Variants in SLC22A15 observed in about 807,000 individuals in gnomAD.
The protein encoded by SLC22A15 is flipt 1.
Under a neutral mutation model 62.7 loss-of-function variants are expected in SLC22A15, and 45 were observed. The ratio of observed to expected loss-of-function variants is 0.72; its 90% CI spans 0.56 to 0.92. The LOEUF is 0.92. Among genes scored for constraint, SLC22A15 ranks in the 40% least tolerant of loss-of-function variants. SLC22A15 has a pLI of 0.00. For missense variants in SLC22A15, 622 were observed against 665.6 expected (o/e 0.93, Z 0.72); for synonymous variants, 264 against 267.0 (o/e 0.99, Z 0.11).
chr1:116,051,987 G>A (rs945652902), intron 8 of SLC22A15, among the ~76,000 whole-genome samples: 1 of 152,224 alleles, frequency 6.6e-6, no homozygotes, highest in African/African-American at 2.4e-5. Flanking sequence ...GCAGAAGATG[G>A]GTGATTTCTG....
chr1:116,037,653 A>G (rs1448148529), intron 8 of SLC22A15: 1 of 310,074 alleles, frequency 3.2e-6, no homozygotes, highest in Non-Finnish European at 6.0e-6. Flanking sequence ...GTGATGTTAG[A>G]GTTGTTTATT....
At chr1:116,020,678 C>T (rs1246987788) in intron 3 of SLC22A15, 43 bp from the exon 4 acceptor site, 1 of 1,465,976 alleles carries the variant, frequency 6.8e-7, no homozygotes, top group East Asian at 2.4e-5. Flanking sequence ...TCATCAAATG[C>T]TATTTTGCCT....
At chr1:116,066,369 A>T in intron 10 of SLC22A15, 151 bp from the exon 11 acceptor site, 1 of 609,382 alleles carries the variant, frequency 1.6e-6, no homozygotes, top group Non-Finnish European at 2.8e-6. Context: ...ATAATTCTTT[A>T]TGTGGAAAGA....
In SLC22A15 at chr1:115,991,397, A is replaced by G. The variant is rs571211856; in HGVS notation, c.88-634A>G. On this transcript the variant is annotated intron_variant, in intron 1 of 11. Transcript: ENST00000369503. Reference sequence around the variant, plus strand: ...TGGTTAGATCAAACCAAGACTAGGTACAACTCAGGGTTACAAAATGAATAT... The same window carrying G: ...TGGTTAGATCAAACCAAGACTAGGTGCAACTCAGGGTTACAAAATGAATAT... 3.3e-5 allele frequency among the ~76,000 whole-genome samples: 5 copies of G among 152,362 alleles called. No homozygotes were observed. In the South Asian group the frequency reaches 1.0e-3, roughly 32 times the overall value.
chr1:116,020,598 CA>C, intron 3 of SLC22A15, 122 bp from the exon 4 acceptor site: 1 of 849,096 alleles, frequency 1.2e-6, no homozygotes, highest in South Asian at 2.7e-5. Flanking sequence ...AAGAAACCCA[CA>C]AAAACAGCTC....
Position 116,066,639 on chromosome 1 carries a change from C to G in SLC22A15, c.1485C>G (p.Asp495Glu), listed in dbSNP as rs1488858236. 1.2e-6 allele frequency: 2 copies of G among 1,612,436 alleles called. No homozygotes were observed. The highest frequency in any genetic ancestry group is 3.3e-5 in the Admixed American group (2 of 59,768). Residue 495 changes from aspartate (D) to glutamate (E), a missense_variant, in exon 11 of 12, where the codon GAC becomes GAG. Asp to Glu is a conservative substitution (Grantham distance 45). Transcript: ENST00000369503. The stretch of plus-strand genomic sequence containing the variant: ...GTCCGCTGCTAGAAACATTCTCCGA[C>G]CTTCAGGTGTATTCGTATCGCAGGC... ...LNSPLLETFS[D>E]LQVYSYRRLG...
intron 6 of SLC22A15, 134 bp downstream of exon 6, chr1:116,031,715 G>A: frequency 6.8e-7 from 1 of 1,467,672 alleles, no homozygotes; most frequent in Non-Finnish European, 9.0e-7. Flanking sequence ...TCAACAGCAA[G>A]TCTCCTGATC....
At chr1:116,037,189 G>T (rs112967709) in intron 7 of SLC22A15, 114 bp from the exon 8 acceptor site, 28 of 862,400 alleles carry the variant, frequency 3.2e-5, no homozygotes, top group African/African-American at 2.5e-4. Flanking sequence ...TTAGCCTTAA[G>T]AGGAGATGAA....
intron 8 of SLC22A15, among the ~76,000 whole-genome samples, chr1:116,059,038 T>A (rs190202342): frequency 6.6e-6 from 1 of 152,210 alleles, no homozygotes; most frequent in Non-Finnish European, 1.5e-5. Context: ...CAACAAAATC[T>A]CATAAATCAC....
intron 1 of SLC22A15, among the ~76,000 whole-genome samples, chr1:115,977,773 A>G (rs1654389031): frequency 6.6e-6 from 1 of 152,256 alleles, no homozygotes; most frequent in South Asian, 2.1e-4. Flanking sequence ...CAGAGTGGTC[A>G]TGGATATAGC....
chr1:115,983,816 A>C (rs1654726719), intron 1 of SLC22A15, among the ~76,000 whole-genome samples: 1 of 152,216 alleles, frequency 6.6e-6, no homozygotes, highest in Non-Finnish European at 1.5e-5. Flanking sequence ...AATGAGGTGG[A>C]CCAGCACATA....
At position 116,068,861 on chromosome 1, in the gene SLC22A15, G is replaced by A. The variant is rs1191004452; in HGVS notation, c.*1753G>A. On this transcript the variant is annotated 3_prime_UTR_variant, in exon 12 of 12. Coordinates refer to ENST00000369503, the MANE Select transcript of SLC22A15 (RefSeq NM_018420.3). ...TAAAAGTTATTCTTAAATGGTGGTTGGGCATTTAAAACAGTGAACTAACAT... is the reference window on the plus strand; with the variant it reads ...TAAAAGTTATTCTTAAATGGTGGTTAGGCATTTAAAACAGTGAACTAACAT... 6.6e-6 allele frequency: 1 copy of A among 152,126 alleles called. No homozygotes were observed. Among genetic ancestry groups the A allele is most frequent in the African/African-American group, 2.4e-5 (1 of 41,430 alleles). The allele number at this position is 152,126 out of a possible 1,614,324, so 9.4% of individuals were successfully genotyped here. A position where few individuals can be genotyped will look rare whatever the true frequency, so the allele number is the denominator to read the frequency against.
intron 8 of SLC22A15, among the ~76,000 whole-genome samples, chr1:116,038,858 A>C (rs10923962): frequency 6.6e-6 from 1 of 152,078 alleles, no homozygotes; most frequent in Non-Finnish European, 1.5e-5. Context: ...CTAGTCCTAT[A>C]TACACACGTG....
At position 116,064,625 on chromosome 1, in the gene SLC22A15, G is replaced by C. The variant is rs1272015941; in HGVS notation, c.1365+117G>C. 8.1e-6 allele frequency: 6 copies of C among 741,764 alleles called. No individual in the cohort carries two copies. In the East Asian group the frequency reaches 1.6e-4, roughly 19 times the overall value. The allele number at this position is 741,764 out of a possible 1,614,324, so 45.9% of individuals were successfully genotyped here. A position where few individuals can be genotyped will look rare whatever the true frequency, so the allele number is the denominator to read the frequency against. ...ATTTAAGATCAGCTGACACAAATGTGAACCTTGGCCCTTTTAGATAGTATT... is the reference window on the plus strand; with the variant it reads ...ATTTAAGATCAGCTGACACAAATGTCAACCTTGGCCCTTTTAGATAGTATT... On this transcript the variant is annotated intron_variant, in intron 10 of 11. Transcript: ENST00000369503.
chr1:116,001,843 T>C lies in SLC22A15; in HGVS notation c.300+9600T>C, dbSNP rs1655748857. On this transcript the variant is annotated intron_variant, in intron 2 of 11. Coordinates refer to ENST00000369503, the MANE Select transcript of SLC22A15 (RefSeq NM_018420.3). ...CCAGAATTGGTCACTGGTGCCTTATTTAGTTTGTTTGATGAGATCATGTCT... is the reference window on the plus strand; with the variant it reads ...CCAGAATTGGTCACTGGTGCCTTATCTAGTTTGTTTGATGAGATCATGTCT... Among the ~76,000 whole-genome samples the C allele has an allele frequency of 2.0e-5, 3 of 152,258 alleles. No individual in the cohort carries two copies. In the South Asian group the frequency reaches 6.2e-4, roughly 32 times the overall value.
chr1:116,066,442 A>C (rs1455778472), intron 10 of SLC22A15, 78 bp from the exon 11 acceptor site: 2 of 1,327,498 alleles, frequency 1.5e-6, no homozygotes, highest in Non-Finnish European at 1.0e-6. Flanking sequence ...ACAGTTTTTC[A>C]GTCATGAGAC....
chr1:116,065,016 T>G (rs1483040556), intron 10 of SLC22A15, among the ~76,000 whole-genome samples: 1 of 152,218 alleles, frequency 6.6e-6, no homozygotes, highest in East Asian at 1.9e-4. Context: ...TTAATATTTT[T>G]TTTTTGAAAC....
chr1:116,061,799 A>AT (rs1344448738), intron 8 of SLC22A15, among the ~76,000 whole-genome samples: 5 of 152,314 alleles, frequency 3.3e-5, no homozygotes, highest in South Asian at 2.1e-4. Flanking sequence ...CATAAAATAT[A>AT]TTTTTTGCAT....
At chr1:116,054,223 A>C (rs1428601615) in intron 8 of SLC22A15, among the ~76,000 whole-genome samples, 1 of 152,074 alleles carries the variant, frequency 6.6e-6, no homozygotes, top group African/African-American at 2.4e-5. Flanking sequence ...TACCAAGCAA[A>C]TGGAAAACAA....
Sources: gnomAD v4.1 joint callset for allele counts (sites outside exome capture counted in the v4.1 genomes callset) on GRCh38, gnomAD v4.1.1 for gene constraint, MANE v1.5 for transcripts, NCBI Gene and HGNC (gene_info 2026-07-23, HGNC 2026-07-21) for gene names.